NR5A2: variants seen among roughly 807,000 people sequenced by gnomAD.
NR5A2 encodes nuclear receptor subfamily 5 group A member 2.
In NR5A2, 26 loss-of-function variants were observed where a neutral mutation model predicts 62.7. The observed-to-expected ratio is 0.41, with a 90% confidence interval of 0.30 to 0.58. The LOEUF is 0.58. NR5A2 is among the 20% of genes least tolerant of loss of function. NR5A2 has a pLI of 0.22. For synonymous variants in NR5A2, 246 were observed against 241.7 expected (o/e 1.02, Z -0.16); for missense variants, 541 against 669.1 (o/e 0.81, Z 2.11).
At chr1:200,072,083 G>A (rs1042775520) in intron 5 of NR5A2, among the ~76,000 whole-genome samples, 14 of 152,078 alleles carry the variant, frequency 9.2e-5, no homozygotes, top group Non-Finnish European at 1.6e-4. Context: ...CTTATAAAGA[G>A]GTAGGGCCTA....
intron 7 of NR5A2, among the ~76,000 whole-genome samples, chr1:200,163,479 G>A (rs1653750981): frequency 6.7e-6 from 1 of 149,494 alleles, no homozygotes. Context: ...GGGCAATTTT[G>A]TTTATTGTTT....
At chr1:200,029,142 G>GGCAGCTCCGC (rs764956774) in intron 1 of NR5A2, 4 of 433,112 alleles carry the variant, frequency 9.2e-6, no homozygotes, top group Non-Finnish European at 1.8e-5. Flanking sequence ...AGTCCTTCCC[G>GGCAGCTCCGC]GCAGCTCCGC....
At chr1:200,049,975 C>A (rs10919800) in intron 5 of NR5A2, among the ~76,000 whole-genome samples, 3,326 of 152,254 alleles carry the variant, frequency 0.022, 107 homozygotes, top group African/African-American at 0.069. Context: ...CTGAACAGAC[C>A]TAAATAAGTT....
At chr1:200,065,369 C>T (rs1351263589) in intron 5 of NR5A2, among the ~76,000 whole-genome samples, 2 of 152,112 alleles carry the variant, frequency 1.3e-5, no homozygotes, top group Non-Finnish European at 2.9e-5. Flanking sequence ...GTCTCTAACT[C>T]CTGACCTCAG....
At chr1:200,170,456 T>A (rs1178614862) in intron 7 of NR5A2, among the ~76,000 whole-genome samples, 1 of 152,244 alleles carries the variant, frequency 6.6e-6, no homozygotes, top group African/African-American at 2.4e-5. Context: ...TCTAAACTCT[T>A]CCTAAAAAGT....
chr1:200,087,774 T>G (rs907751320), intron 5 of NR5A2, among the ~76,000 whole-genome samples: 9 of 150,296 alleles, frequency 6.0e-5, no homozygotes, highest in East Asian at 2.0e-4. Context: ...TTTTTTGAGA[T>G]AGAGTCTTGC....
chr1:200,081,439 C>T (rs962593131), intron 5 of NR5A2, among the ~76,000 whole-genome samples: 1 of 152,178 alleles, frequency 6.6e-6, no homozygotes, highest in African/African-American at 2.4e-5. Flanking sequence ...AAGCATACCA[C>T]ATAACTGGTT....
At chr1:200,038,808 G>C in intron 1 of NR5A2, 1 of 1,284,294 alleles carries the variant, frequency 7.8e-7, no homozygotes, top group Non-Finnish European at 1.0e-6. Context: ...CCCCGCCCCG[G>C]GCCAGGGTGG....
intron 5 of NR5A2, among the ~76,000 whole-genome samples, chr1:200,068,351 A>G (rs1015296454): frequency 6.6e-6 from 1 of 152,208 alleles, no homozygotes; most frequent in Admixed American, 6.5e-5. Flanking sequence ...TGCTAATAGC[A>G]ATGAGTGTTT....
chr1:200,035,993 G>A (rs543646310), intron 1 of NR5A2, among the ~76,000 whole-genome samples: 7 of 152,258 alleles, frequency 4.6e-5, no homozygotes, highest in South Asian at 4.1e-4. Context: ...TTCCCGCAGC[G>A]GTAAGTACGG....
At chr1:200,119,899 G>T (rs1426779985) in intron 6 of NR5A2, among the ~76,000 whole-genome samples, 2 of 151,768 alleles carry the variant, frequency 1.3e-5, no homozygotes, top group East Asian at 1.9e-4. Context: ...ATGAGCCACC[G>T]TGCCCGGCCA....
intron 5 of NR5A2, among the ~76,000 whole-genome samples, chr1:200,085,484 G>T (rs775945006): frequency 1.2e-4 from 18 of 152,168 alleles, no homozygotes; most frequent in Non-Finnish European, 1.9e-4. Context: ...CCTTCCATTT[G>T]CTTCCCATAA....
intron 7 of NR5A2, among the ~76,000 whole-genome samples, chr1:200,121,363 ATTC>A (rs759992440): frequency 3.3e-5 from 5 of 152,170 alleles, no homozygotes; most frequent in Admixed American, 1.3e-4. Context: ...TTCTGTTTTT[ATTC>A]TTCTAAAATA....
chr1:200,058,601 C>T (rs1369519945), intron 5 of NR5A2, among the ~76,000 whole-genome samples: 2 of 151,730 alleles, frequency 1.3e-5, no homozygotes, highest in African/African-American at 4.8e-5. Context: ...CTCCGTCAAC[C>T]TCCCGAGTAG....
intron 6 of NR5A2, among the ~76,000 whole-genome samples, chr1:200,118,708 A>G (rs1666353590): frequency 6.6e-6 from 1 of 152,230 alleles, no homozygotes; most frequent in Non-Finnish European, 1.5e-5. Context: ...GTTTTTAAAG[A>G]ATTTATAGCA....
At chr1:200,131,235 A>T (rs916466901) in intron 7 of NR5A2, among the ~76,000 whole-genome samples, 1 of 143,508 alleles carries the variant, frequency 7.0e-6, no homozygotes, top group Non-Finnish European at 1.5e-5. Context: ...GGTGTTGTGG[A>T]TTTTTTTTTT....
At chr1:200,056,621 G>C (rs1408541970) in intron 5 of NR5A2, among the ~76,000 whole-genome samples, 1 of 152,064 alleles carries the variant, frequency 6.6e-6, no homozygotes, top group African/African-American at 2.4e-5. Context: ...CTCAGTTTAA[G>C]CTCCCTGAAA....
At chr1:200,094,523 A>ATT (rs1558134088) in intron 5 of NR5A2, among the ~76,000 whole-genome samples, 4 of 70,228 alleles carry the variant, frequency 5.7e-5, no homozygotes, top group South Asian at 9.2e-4. Flanking sequence ...ATTAAATGCC[A>ATT]CTTTTTTTTT....
chr1:200,031,725 C>T (rs1256872867), intron 1 of NR5A2, among the ~76,000 whole-genome samples: 1 of 151,910 alleles, frequency 6.6e-6, no homozygotes, highest in Admixed American at 6.6e-5. Flanking sequence ...ATTACAGGTG[C>T]ACGCCACCAC....
Sources: gnomAD v4.1 joint callset for allele counts (sites outside exome capture counted in the v4.1 genomes callset) on GRCh38, gnomAD v4.1.1 for gene constraint, MANE v1.5 for transcripts, NCBI Gene and HGNC (gene_info 2026-07-23, HGNC 2026-07-21) for gene names.